Variants in SMYD3 observed in about 807,000 individuals in gnomAD.
SMYD3 encodes the protein histone-lysine N-methyltransferase SMYD3.
In SMYD3, 36 loss-of-function variants were observed where a neutral mutation model predicts 57.7. The ratio of observed to expected loss-of-function variants is 0.62; its 90% CI spans 0.48 to 0.82. The LOEUF is 0.82. SMYD3 is among the 40% of genes least tolerant of loss of function. The pLI is 0.00. For missense variants in SMYD3, 515 were observed against 538.8 expected (o/e 0.96, Z 0.44); for synonymous variants, 211 against 195.0 (o/e 1.08, Z -0.68).
intron 5 of SMYD3, among the ~76,000 whole-genome samples, chr1:246,046,433 C>T (rs1384561288): frequency 1.3e-5 from 2 of 151,870 alleles, no homozygotes; most frequent in Non-Finnish European, 2.9e-5. Flanking sequence ...AATGAGAACA[C>T]TTGGACACAG....
intron 5 of SMYD3, among the ~76,000 whole-genome samples, chr1:246,324,436 A>AC (rs1439964379): frequency 2.0e-5 from 3 of 151,718 alleles, no homozygotes; most frequent in African/African-American, 7.3e-5. Context: ...AAAAAAAAAA[A>AC]AAGATGGGCT....
intron 1 of SMYD3, among the ~76,000 whole-genome samples, chr1:246,498,685 C>A (rs1286906665): frequency 1.4e-5 from 2 of 147,396 alleles, no homozygotes; most frequent in African/African-American, 5.1e-5. Flanking sequence ...GAGCCGAGAT[C>A]GCACCACTGC....
intron 1 of SMYD3, among the ~76,000 whole-genome samples, chr1:246,442,882 C>T (rs570828883): frequency 2.6e-4 from 39 of 152,182 alleles, no homozygotes; most frequent in East Asian, 9.7e-4. Context: ...CTGGGAAGGA[C>T]GGTTAGTTCT....
At chr1:246,186,937 C>T (rs1218447788) in intron 5 of SMYD3, 1 of 985,184 alleles carries the variant, frequency 1.0e-6, no homozygotes, top group African/African-American at 1.7e-5. Flanking sequence ...CAACTTTTCG[C>T]TGTGACTGAA....
chr1:245,756,698 C>CT (rs1352849437), intron 11 of SMYD3, among the ~76,000 whole-genome samples: 2 of 151,784 alleles, frequency 1.3e-5, no homozygotes, highest in African/African-American at 4.8e-5. Flanking sequence ...AAATATGCTA[C>CT]TTTCATCTGG....
At position 246,180,516 on chromosome 1, in the gene SMYD3, A is replaced by C. The variant is rs1378580093; in HGVS notation, c.531+146685T>G. On this transcript the variant is annotated intron_variant, in intron 5 of 11. Transcript: ENST00000490107. ...TTCATGCCTGTAATCCCAGCACTTTAGGAGGCCGAGGCAGGTGGATCATGA... is the reference window on the plus strand; with the variant it reads ...TTCATGCCTGTAATCCCAGCACTTTCGGAGGCCGAGGCAGGTGGATCATGA... 3.3e-5 allele frequency among the ~76,000 whole-genome samples: 5 copies of C among 150,382 alleles called. No individual in the cohort carries two copies. The South Asian group carries it at 1.0e-3, about 32-fold the overall frequency.
intron 5 of SMYD3, among the ~76,000 whole-genome samples, chr1:246,293,089 A>G (rs75840202): frequency 0.011 from 1,664 of 152,112 alleles, 13 homozygotes; most frequent in South Asian, 0.019. Flanking sequence ...TATTCCATAC[A>G]TGGTGGTAAT....
At chr1:246,117,442 G>A (rs1284849692) in intron 5 of SMYD3, among the ~76,000 whole-genome samples, 6 of 152,082 alleles carry the variant, frequency 3.9e-5, no homozygotes, top group Non-Finnish European at 8.8e-5. Flanking sequence ...GCCAGGTTTC[G>A]CAGAATAAAC....
chr1:246,428,656 T>C (rs907436956), intron 1 of SMYD3, among the ~76,000 whole-genome samples: 5 of 152,230 alleles, frequency 3.3e-5, no homozygotes, highest in Admixed American at 3.3e-4. Context: ...CCGTGCAATC[T>C]AGACCAGAGC....
chr1:246,109,500 T>C (rs879540103), intron 5 of SMYD3, among the ~76,000 whole-genome samples: 1 of 152,204 alleles, frequency 6.6e-6, no homozygotes, highest in Non-Finnish European at 1.5e-5. Context: ...ATAAATATAG[T>C]ATGTTCTAAG....
intron 5 of SMYD3, among the ~76,000 whole-genome samples, chr1:246,098,819 T>C (rs914293542): frequency 9.0e-6 from 1 of 110,622 alleles, no homozygotes; most frequent in African/African-American, 2.5e-5. Flanking sequence ...TGTACATGTA[T>C]ATACACTCAC....
At chr1:246,320,723 C>A (rs1001267959) in intron 5 of SMYD3, among the ~76,000 whole-genome samples, 2 of 151,990 alleles carry the variant, frequency 1.3e-5, no homozygotes, top group African/African-American at 2.4e-5. Flanking sequence ...GAACTCTGTA[C>A]AATAATCCCT....
chr1:246,166,098 T>A (rs2062205249), intron 5 of SMYD3, among the ~76,000 whole-genome samples: 1 of 151,168 alleles, frequency 6.6e-6, no homozygotes, highest in Admixed American at 6.6e-5. Context: ...CCCTCCCTTT[T>A]TTAAAAAAAA....
chr1:246,375,639 G>A (rs1201312130), intron 1 of SMYD3, among the ~76,000 whole-genome samples: 4 of 152,248 alleles, frequency 2.6e-5, no homozygotes, highest in Middle Eastern at 6.8e-3. Context: ...AGAGCAGCAC[G>A]TGTTAATACT....
At chr1:246,260,511 C>A (rs2063986414) in intron 5 of SMYD3, among the ~76,000 whole-genome samples, 1 of 151,980 alleles carries the variant, frequency 6.6e-6, no homozygotes, top group South Asian at 2.1e-4. Context: ...AGTGCAATGG[C>A]CCGACCTTGG....
At chr1:245,749,711 C>A (rs1572234428) in intron 11 of SMYD3, 47 bp from the exon 12 acceptor site, 2 of 1,481,540 alleles carry the variant, frequency 1.3e-6, no homozygotes, top group Middle Eastern at 1.7e-4. Flanking sequence ...AATAGGTGAG[C>A]TCAGGCCATT....
intron 5 of SMYD3, among the ~76,000 whole-genome samples, chr1:246,190,909 T>C (rs1160898928): frequency 6.6e-6 from 1 of 152,160 alleles, no homozygotes; most frequent in Non-Finnish European, 1.5e-5. Flanking sequence ...GAAAAGCCAG[T>C]ATCAGAAAAG....
chr1:245,780,625 C>T (rs1432563303), intron 10 of SMYD3, among the ~76,000 whole-genome samples: 1 of 152,074 alleles, frequency 6.6e-6, no homozygotes, highest in Non-Finnish European at 1.5e-5. Context: ...GGTTGTACAA[C>T]CTTGTAAATA....
At chr1:246,320,892 A>G (rs1448247299) in intron 5 of SMYD3, among the ~76,000 whole-genome samples, 1 of 152,248 alleles carries the variant, frequency 6.6e-6, no homozygotes, top group African/African-American at 2.4e-5. Context: ...TAATTAGAAC[A>G]TGACAACTGA....
Sources: allele counts gnomAD v4.1 joint callset (sites outside exome capture counted in the v4.1 genomes callset), GRCh38; gene constraint gnomAD v4.1.1; transcripts MANE v1.5; gene names NCBI Gene and HGNC (gene_info 2026-07-23, HGNC 2026-07-21).